The following PLEKHG6 variants were observed in gnomAD, a reference collection of about 807,000 sequenced individuals.
The protein encoded by PLEKHG6 is pleckstrin homology and RhoGEF domain containing G6.
In PLEKHG6, 91 loss-of-function variants were observed where a neutral mutation model predicts 97.5. The ratio of observed to expected loss-of-function variants is 0.93; its 90% confidence interval spans 0.79 to 1.11. The LOEUF is 1.11. PLEKHG6 is among the 50% of genes most tolerant of loss of function. The pLI, the probability that PLEKHG6 is intolerant of heterozygous loss-of-function variation, is 0.00. For synonymous variants in PLEKHG6, 466 were observed against 425.5 expected, an observed-to-expected ratio of 1.10 and a Z score of -1.17; for missense variants, 1,044 against 1,031.0, an observed-to-expected ratio of 1.01 and a Z score of -0.17.
chr12:6,319,628 ACT>A, intron 13 of PLEKHG6: 2 of 1,535,982 alleles, frequency 1.3e-6, no homozygotes, highest in Non-Finnish European at 8.7e-7. Flanking sequence ...TTGGCCAGCT[ACT>A]GTGCCAGCCA....
chr12:6,313,485 A>C lies in PLEKHG6; in HGVS notation c.139-144A>C, dbSNP rs553283842. On this transcript the variant is annotated intron_variant, in intron 2 of 15. Coordinates refer to ENST00000684764, the MANE Select transcript of PLEKHG6 (RefSeq NM_001384598.1). ...CTCAGGGCAGGAGCAGTCCACACCA[A>C]ACTGGTTTGCAGGGAGAAGTGAGCC... 30 of 987,210 alleles carry C rather than the reference A, an allele frequency of 3.0e-5. 1 individual carries two copies. The African/African-American group carries it at 3.4e-4, about 11-fold the overall frequency. 61.2% of individuals were successfully genotyped at this position (987,210 alleles called of 1,614,324 possible). A position where few individuals can be genotyped will look rare whatever the true frequency, so the allele number is the denominator to read the frequency against.
rs899262511 is a variant in PLEKHG6, at chr12:6,316,204, CCCCTGGGGA to C, written c.607-48_607-40del. On this transcript the variant is annotated intron_variant, in intron 6 of 15. Coordinates refer to ENST00000684764, the MANE Select transcript of PLEKHG6 (RefSeq NM_001384598.1). The surrounding 1 kb of genome is among the most constrained non-coding windows in gnomAD (Gnocchi z 4.1). ...CCTCACCTTTCCTCAGCCAGTGCCACCCCTGGGGACCTTCCAAAAGTGTGCTGCTCAGCT... is the reference window on the plus strand; with the variant it reads ...CCTCACCTTTCCTCAGCCAGTGCCACCCTTCCAAAAGTGTGCTGCTCAGCT... 6 of 1,495,394 alleles carry C rather than the reference CCCCTGGGGA, an allele frequency of 4.0e-6. No homozygotes were observed. The highest frequency in any genetic ancestry group is 1.7e-4 in the Middle Eastern group (1 of 5,750). 92.6% of individuals were successfully genotyped at this position (1,495,394 alleles called of 1,614,324 possible). A position where few individuals can be genotyped will look rare whatever the true frequency, so the allele number is the denominator to read the frequency against.
rs902744286 is a variant in PLEKHG6, at chr12:6,316,161, G to A, written c.607-94G>A. ...TTCATCCTTCTTCACCCCCGCCCCT[G>A]CTGTCCAAGCTTAAGGTCCTCACCT... On this transcript the variant is annotated intron_variant, in intron 6 of 15. Coordinates refer to ENST00000684764, the MANE Select transcript of PLEKHG6 (RefSeq NM_001384598.1). This position sits in a 1 kb window ranked among gnomAD's most constrained non-coding sequence, Gnocchi z 4.1. 3.2e-6 allele frequency: 4 copies of A among 1,267,588 alleles called. No homozygotes were observed. The highest frequency in any genetic ancestry group is 4.3e-6 in the Non-Finnish European group (4 of 931,098). The allele number at this position is 1,267,588 out of a possible 1,614,324, so 78.5% of individuals were successfully genotyped here.
rs758249038 is a variant in PLEKHG6 at position 6,317,931 on chromosome 12, G to A, written c.1092G>A (p.Ala364=). 26 of 1,572,942 alleles carry A rather than the reference G, an allele frequency of 1.7e-5. No individual in the cohort carries two copies. Among genetic ancestry groups the A allele is most frequent in the Middle Eastern group, 1.7e-4 (1 of 6,012 alleles). ...VRQGEEQESL[A]AAAQRIGPYE... is the part of the protein sequence containing the mutation. ...AGGGCGAAGAGCAAGAGAGCTTGGC[G>A]GCTGCAGCACAACGCATCGGGCCCT... The change falls in exon 10 of 16, where the codon GCG becomes GCA. Residue 364 remains alanine, a synonymous_variant. Coordinates refer to ENST00000684764, the MANE Select transcript of PLEKHG6 (RefSeq NM_001384598.1).
intron 7 of PLEKHG6, among the ~76,000 whole-genome samples, chr12:6,317,013 A>G (rs538308501): frequency 1.2e-4 from 19 of 152,308 alleles, no homozygotes; most frequent in Non-Finnish European, 2.6e-4. Context: ...TGAATTATCG[A>G]TGGTGGGAGA....
At chr12:6,321,623 G>C (rs1014118577) in intron 13 of PLEKHG6, among the ~76,000 whole-genome samples, 1 of 151,842 alleles carries the variant, frequency 6.6e-6, no homozygotes, top group East Asian at 1.9e-4. Flanking sequence ...CCGATCACGA[G>C]GTCAGGAGAT....
In PLEKHG6 at chr12:6,317,698, T is replaced by C. The variant is rs905297243; in HGVS notation, c.1017+2T>C. On this transcript the variant is annotated splice_donor_variant, in intron 9 of 15. Transcript: ENST00000684764. LOFTEE classifies it high-confidence loss of function. ...GCCCAAGAGGCCCTGAATGCCATGG[T>C]AGGTGCCCCAGTGGGGCTGGGACTC... is the stretch of plus-strand genomic sequence containing the variant. 1.9e-6 allele frequency: 3 copies of C among 1,613,168 alleles called. No homozygotes were observed. The highest frequency in any genetic ancestry group is 3.3e-5 in the Admixed American group (2 of 59,970).
chr12:6,318,833 C>T lies in PLEKHG6; in HGVS notation c.1364C>T (p.Pro455Leu). ...GACAAAGCCAAGGTCATCCGACCCC[C>T]TCTCATGCTGGAGAAGCTCGTGTGC... ...KADKAKVIRP[P>L]LMLEKLVCQP... is the part of the protein sequence containing the mutation. The change falls in exon 12 of 16, where the codon CCT becomes CTT. Residue 455 changes from proline (P) to leucine (L), a missense_variant. Coordinates refer to ENST00000684764, the MANE Select transcript of PLEKHG6 (RefSeq NM_001384598.1). 6.2e-7 allele frequency: 1 copy of T among 1,614,266 alleles called. No individual in the cohort carries two copies. The highest frequency in any genetic ancestry group is 8.5e-7 in the Non-Finnish European group (1 of 1,180,046).
In PLEKHG6 at chr12:6,314,985, G is replaced by A. The variant is rs758983177; in HGVS notation, c.295-20G>A. 2.5e-6 allele frequency: 4 copies of A among 1,610,328 alleles called. No homozygotes were observed. The highest frequency in any genetic ancestry group is 3.4e-6 in the Non-Finnish European group (4 of 1,178,084). On this transcript the variant is annotated intron_variant, in intron 3 of 15. Coordinates refer to ENST00000684764, the MANE Select transcript of PLEKHG6 (RefSeq NM_001384598.1). ...TGCCAAGGATGTGACCAGAGCTGAT[G>A]CCCTTCTCGGCTCCCCCAGGAACTC...
At chr12:6,311,743 A>G (rs1388965473) in intron 1 of PLEKHG6, among the ~76,000 whole-genome samples, 2 of 55,392 alleles carry the variant, frequency 3.6e-5, no homozygotes, top group African/African-American at 1.4e-4. Flanking sequence ...AGCCCACCCC[A>G]CCCACCATGG....
At position 6,327,479 on chromosome 12, in the gene PLEKHG6, T is replaced by TGGGGGCCCCCCCCC; in HGVS notation, c.1896_1897insGGGGGCCCCCCCCC (p.Pro633GlyfsTer27). The TGGGGGCCCCCCCCC allele has an allele frequency of 1.9e-6, 3 of 1,603,254 alleles. No individual in the cohort carries two copies. Among genetic ancestry groups the TGGGGGCCCCCCCCC allele is most frequent in the Non-Finnish European group, 2.6e-6 (3 of 1,171,700 alleles). ...TGGAACTCCGGGACATCCCTCTGCGTCCCCACCCTCCCGACCCCCAAGCTC... is the reference window on the plus strand; with the variant it reads ...TGGAACTCCGGGACATCCCTCTGCGTGGGGGCCCCCCCCCCCCCACCCTCCCGACCCCCAAGCTC... On this transcript the variant is annotated frameshift_variant, in exon 15 of 16. Coordinates refer to ENST00000684764, the MANE Select transcript of PLEKHG6 (RefSeq NM_001384598.1). LOFTEE classifies it high-confidence loss of function.
intron 3 of PLEKHG6, among the ~76,000 whole-genome samples, chr12:6,314,388 T>C (rs994084697): frequency 1.6e-4 from 25 of 152,166 alleles, no homozygotes; most frequent in African/African-American, 6.0e-4. Flanking sequence ...GCACCTGTAG[T>C]CCCAGCTATT....
intron 13 of PLEKHG6, among the ~76,000 whole-genome samples, chr12:6,324,766 T>C (rs897474457): frequency 4.6e-5 from 7 of 152,218 alleles, no homozygotes; most frequent in Non-Finnish European, 8.8e-5. Flanking sequence ...CCATTTCGTC[T>C]CTTGTCCTGA....
chr12:6,317,711 G>A lies in PLEKHG6; in HGVS notation c.1017+15G>A. On this transcript the variant is annotated intron_variant, in intron 9 of 15. Transcript: ENST00000684764. ...TGAATGCCATGGTAGGTGCCCCAGT[G>A]GGGCTGGGACTCTGGTGAATCGGGG... 3 of 1,612,528 alleles carry A rather than the reference G, an allele frequency of 1.9e-6. No homozygotes were observed. Among genetic ancestry groups the A allele is most frequent in the South Asian group, 2.2e-5 (2 of 91,020 alleles).
chr12:6,319,611 A>G, intron 13 of PLEKHG6: 1 of 1,536,080 alleles, frequency 6.5e-7, no homozygotes, highest in South Asian at 1.2e-5. Flanking sequence ...GAAGACAGAA[A>G]AAGCCTTTGG....
At chr12:6,321,301 C>T (rs145602675) in intron 13 of PLEKHG6, among the ~76,000 whole-genome samples, 3 of 152,004 alleles carry the variant, frequency 2.0e-5, no homozygotes, top group African/African-American at 7.2e-5. Flanking sequence ...AGATTACAGG[C>T]GTGAGCCACC....
Position 6,327,852 on chromosome 12 carries a change from C to G in PLEKHG6, c.2269C>G (p.Pro757Ala). 1 of 1,505,434 alleles carries G rather than the reference C, an allele frequency of 6.6e-7. No homozygotes were observed. Among genetic ancestry groups the G allele is most frequent in the Non-Finnish European group, 8.9e-7 (1 of 1,128,442 alleles). 93.3% of individuals were successfully genotyped at this position (1,505,434 alleles called of 1,614,324 possible). Residue 757 changes from proline (P) to alanine (A), a missense_variant, in exon 15 of 16, where the codon CCC (proline) becomes GCC (alanine). Transcript: ENST00000684764. ...CCAAAGGATTGAGGGGGCCGAGGAG[C>G]CCCGGGACAGCAGGCCACGGAAGCT... The part of the protein sequence containing the change: ...ASQRIEGAEE[P>A]RDSRPRKLTR...
rs376541135 is a variant in PLEKHG6 at position 6,327,870 on chromosome 12, C to T, written c.2287C>T (p.Arg763Trp). The T allele has an allele frequency of 3.2e-5, 48 of 1,498,776 alleles. No individual in the cohort carries two copies. Among genetic ancestry groups the T allele is most frequent in the Admixed American group, 4.8e-5 (2 of 41,954 alleles). 92.8% of individuals were successfully genotyped at this position (1,498,776 alleles called of 1,614,324 possible). The stretch of plus-strand genomic sequence containing the variant: ...CGAGGAGCCCCGGGACAGCAGGCCA[C>T]GGAAGCTGACTCGGGCCCAGCTGCA... The part of the protein sequence containing the change: ...GAEEPRDSRP[R>W]KLTRAQLQRM... Residue 763 changes from arginine to tryptophan, a missense_variant, in exon 15 of 16, where the codon CGG becomes TGG. Arg to Trp is a moderately radical substitution (Grantham distance 101). Transcript: ENST00000684764.
intron 3 of PLEKHG6, among the ~76,000 whole-genome samples, chr12:6,314,277 C>G (rs776853153): frequency 6.6e-6 from 1 of 152,026 alleles, no homozygotes; most frequent in East Asian, 1.9e-4. Flanking sequence ...CCAAGACGGG[C>G]GGATCACCTG....
Sources: gnomAD v4.1 joint callset for allele counts (sites outside exome capture counted in the v4.1 genomes callset) on GRCh38, gnomAD v4.1.1 for gene constraint, Gnocchi (gnomAD v3.1) non-coding constraint, MANE v1.5 for transcripts, NCBI Gene and HGNC (gene_info 2026-07-23, HGNC 2026-07-21) for gene names.